Variants in LRMDA observed in about 807,000 individuals in gnomAD.
LRMDA encodes the protein leucine-rich melanocyte differentiation-associated protein.
In LRMDA, 18 loss-of-function variants were observed where a neutral mutation model predicts 29.8. The ratio of observed to expected loss-of-function variants is 0.60; its 90% CI spans 0.42 to 0.90. The LOEUF is 0.90. Ranked by LOEUF, LRMDA falls within the 40% of genes least tolerant of loss-of-function variation. The pLI, the probability that LRMDA is intolerant of heterozygous loss-of-function variation, is 0.00. For synonymous variants in LRMDA, 125 were observed against 109.4 expected (o/e 1.14, Z -0.89); for missense variants, 273 against 273.9 (o/e 1.00, Z 0.02).
intron 6 of LRMDA, among the ~76,000 whole-genome samples, chr10:76,497,527 C>A (rs941786580): frequency 1.3e-5 from 1 of 75,230 alleles, no homozygotes; most frequent in African/African-American, 3.2e-5. Context: ...CTCAAGTATA[C>A]CCCACTGACT....
At chr10:76,532,494 C>T (rs1308002075) in intron 6 of LRMDA, among the ~76,000 whole-genome samples, 1 of 152,168 alleles carries the variant, frequency 6.6e-6, no homozygotes, top group Non-Finnish European at 1.5e-5. Context: ...ATGAGTCAGA[C>T]AGTATCCTTG....
At chr10:76,410,654 G>A (rs990915070) in intron 6 of LRMDA, among the ~76,000 whole-genome samples, 2 of 151,878 alleles carry the variant, frequency 1.3e-5, no homozygotes, top group Non-Finnish European at 2.9e-5. Flanking sequence ...GATTACATTG[G>A]CTTATTACAA....
chr10:76,304,895 G>A lies in LRMDA; in HGVS notation c.517-19506G>A, dbSNP rs546406062. On this transcript the variant is annotated intron_variant, in intron 5 of 6. Transcript: ENST00000611255. ...AACACCACGTGATGACTCTCAGGGT[G>A]AGGAGTGAAGGCAAAAGAGAGGCTG... 2.0e-5 allele frequency among the ~76,000 whole-genome samples: 3 copies of A among 152,292 alleles called. No individual in the cohort carries two copies. In the East Asian group the frequency reaches 5.8e-4, roughly 30 times the overall value.
chr10:76,015,950 T>C lies in LRMDA; in HGVS notation c.132-20058T>C, dbSNP rs533846453. 1.0e-3 allele frequency among the ~76,000 whole-genome samples: 153 copies of C among 152,364 alleles called. 2 individuals are homozygous for C. The highest frequency in any genetic ancestry group is 3.6e-3 in the African/African-American group (148 of 41,588). On this transcript the variant is annotated intron_variant, in intron 2 of 6. Coordinates refer to ENST00000611255, the MANE Select transcript of LRMDA (RefSeq NM_001305581.2). ...TTTGAAATTGTCATTCTTGGACTTC[T>C]AGCCTAAAGTAATCACTCCCTCTGG...
chr10:76,139,427 A>T (rs7101216), intron 5 of LRMDA, among the ~76,000 whole-genome samples: 105,923 of 151,992 alleles, frequency 0.7, 37,519 homozygotes, highest in East Asian at 0.85. Flanking sequence ...ACCTTCCTCT[A>T]CACACGCACA....
chr10:76,400,172 G>C (rs1334981740), intron 6 of LRMDA, among the ~76,000 whole-genome samples: 1 of 152,228 alleles, frequency 6.6e-6, no homozygotes, highest in Non-Finnish European at 1.5e-5. Context: ...GGCAGCAGCA[G>C]AGGGTGGCCT....
rs79651499 is a variant in LRMDA, at chr10:75,701,641, A to G, written c.131+263147A>G. On this transcript the variant is annotated intron_variant, in intron 2 of 6. Transcript: ENST00000611255. Reference sequence around the variant, plus strand: ...TCTGAGCAGTGATAATCTTTAGTCAAACAGCACCTGTAAACAGGGGAGCAG... The same window carrying G: ...TCTGAGCAGTGATAATCTTTAGTCAGACAGCACCTGTAAACAGGGGAGCAG... Among the ~76,000 whole-genome samples, 108 of 152,322 alleles carry G rather than the reference A, an allele frequency of 7.1e-4. 2 individuals carry two copies. The East Asian group carries it at 0.018, about 25-fold the overall frequency.
At chr10:75,674,713 G>T (rs903925388) in intron 2 of LRMDA, among the ~76,000 whole-genome samples, 2 of 152,166 alleles carry the variant, frequency 1.3e-5, no homozygotes, top group African/African-American at 2.4e-5. Flanking sequence ...TGGGAGTCAG[G>T]ATTTCCTTGA....
At chr10:75,589,765 A>AAAAT (rs71024554) in intron 2 of LRMDA, among the ~76,000 whole-genome samples, 73,742 of 144,500 alleles carry the variant, frequency 0.51, 20,675 homozygotes, top group Non-Finnish European at 0.63. Flanking sequence ...GTCTAAAAAA[A>AAAAT]ATATATATAT....
At chr10:76,512,641 G>A (rs935606637) in intron 6 of LRMDA, among the ~76,000 whole-genome samples, 2 of 152,116 alleles carry the variant, frequency 1.3e-5, no homozygotes, top group African/African-American at 4.8e-5. Context: ...AAACATAGGA[G>A]TAAGTCTTCA....
intron 2 of LRMDA, among the ~76,000 whole-genome samples, chr10:75,544,083 A>G (rs1418722465): frequency 6.6e-6 from 1 of 152,150 alleles, no homozygotes; most frequent in Non-Finnish European, 1.5e-5. Context: ...GATTCACTTC[A>G]GAAATGAAGC....
chr10:75,744,976 T>C (rs1230557986), intron 2 of LRMDA, among the ~76,000 whole-genome samples: 1 of 152,172 alleles, frequency 6.6e-6, no homozygotes, highest in Admixed American at 6.5e-5. Flanking sequence ...GGCAAGTCTC[T>C]CTCCCATCTC....
At chr10:76,144,399 G>A (rs546835042) in intron 5 of LRMDA, among the ~76,000 whole-genome samples, 140 of 152,086 alleles carry the variant, frequency 9.2e-4, no homozygotes, top group African/African-American at 3.3e-3. Flanking sequence ...CCTTGAAGAG[G>A]TCCTTCACAT....
At chr10:76,502,128 A>G (rs1393149516) in intron 6 of LRMDA, among the ~76,000 whole-genome samples, 1 of 151,992 alleles carries the variant, frequency 6.6e-6, no homozygotes, top group Non-Finnish European at 1.5e-5. Context: ...TCCTTTTCCC[A>G]TTGCCTATTT....
chr10:75,565,362 G>T (rs1840356879), intron 2 of LRMDA, among the ~76,000 whole-genome samples: 1 of 152,224 alleles, frequency 6.6e-6, no homozygotes, highest in Non-Finnish European at 1.5e-5. Context: ...TACCTGGGCA[G>T]GTTGGCAGCC....
chr10:75,458,112 A>C (rs1475548225), intron 2 of LRMDA, among the ~76,000 whole-genome samples: 1 of 152,214 alleles, frequency 6.6e-6, no homozygotes, highest in Non-Finnish European at 1.5e-5. Context: ...CTCTGTTGTC[A>C]TTCTCCAAAT....
chr10:75,844,490 C>T (rs979398151), intron 2 of LRMDA, among the ~76,000 whole-genome samples: 4 of 152,222 alleles, frequency 2.6e-5, no homozygotes, highest in African/African-American at 7.2e-5. Flanking sequence ...TTCTGAGATT[C>T]CAGCAGGCTG....
At chr10:76,327,193 G>A (rs1287244920) in intron 6 of LRMDA, among the ~76,000 whole-genome samples, 2 of 150,700 alleles carry the variant, frequency 1.3e-5, no homozygotes, top group African/African-American at 2.4e-5. Context: ...CTGGGTTCAA[G>A]CGATTCTCCT....
intron 5 of LRMDA, among the ~76,000 whole-genome samples, chr10:76,236,278 A>T (rs1461817960): frequency 3.9e-5 from 6 of 152,218 alleles, no homozygotes; most frequent in African/African-American, 1.4e-4. Flanking sequence ...TGTAACTGAA[A>T]GTCAGGTAAC....
Sources: gnomAD v4.1 joint callset for allele counts (sites outside exome capture counted in the v4.1 genomes callset) on GRCh38, gnomAD v4.1.1 for gene constraint, MANE v1.5 for transcripts, NCBI Gene and HGNC (gene_info 2026-07-23, HGNC 2026-07-21) for gene names.